PCDH12: variants seen among roughly 807,000 people sequenced by gnomAD.
The protein encoded by PCDH12 is protocadherin-12.
Under a neutral mutation model 70.9 loss-of-function variants are expected in PCDH12, and 45 were observed. The ratio of observed to expected loss-of-function variants is 0.63; its 90% CI spans 0.50 to 0.81. The LOEUF (loss-of-function observed/expected upper bound fraction) is 0.81, where lower values mean the gene tolerates loss of function less well. Among genes scored for constraint, PCDH12 ranks in the 40% least tolerant of loss-of-function variants. PCDH12 has a pLI of 0.00. For missense variants in PCDH12, 1,370 were observed against 1,491.7 expected (o/e 0.92, Z 1.34); for synonymous variants, 567 against 626.0 (o/e 0.91, Z 1.41).
chr5:141,957,736 T>A lies in PCDH12; in HGVS notation c.116A>T (p.Glu39Val). ...CCCGATCACTGTACCAGATGGCACT[T>A]CCTCTGACACTTGGTATTTCACCGT... ...TLTVKYQVSE[E>V]VPSGTVIGKL... Residue 39 changes from glutamate (E) to valine (V), a missense_variant, in exon 1 of 4, where the codon GAA becomes GTA. By Grantham distance (121) the Glu-to-Val change is moderately radical. Coordinates refer to ENST00000231484, the MANE Select transcript of PCDH12 (RefSeq NM_016580.4). This position sits in a 1 kb window ranked among gnomAD's most constrained non-coding sequence, Gnocchi z 4.3. 1 of 1,613,770 alleles carries A rather than the reference T, an allele frequency of 6.2e-7. No individual in the cohort carries two copies. The highest frequency in any genetic ancestry group is 8.5e-7 in the Non-Finnish European group (1 of 1,180,034).
chr5:141,946,099 G>A (rs556983359), intron 3 of PCDH12, among the ~76,000 whole-genome samples: 153 of 152,290 alleles, frequency 1.0e-3, no homozygotes, highest in African/African-American at 3.4e-3. Context: ...CAATCTGGGC[G>A]TGTGTTTCCA....
At chr5:141,947,981 C>T in intron 3 of PCDH12, among the ~76,000 whole-genome samples, 1 of 152,216 alleles carries the variant, frequency 6.6e-6, no homozygotes, top group Non-Finnish European at 1.5e-5. Flanking sequence ...GCTATATCCC[C>T]CAGCCATACA....
At chr5:141,954,934 G>A in intron 1 of PCDH12, 38 bp downstream of exon 1, 2 of 1,581,996 alleles carry the variant, frequency 1.3e-6, no homozygotes, top group Non-Finnish European at 1.7e-6. Context: ...TGGTGGTCCA[G>A]GAGTGACCAG....
At position 141,945,132 on chromosome 5, in the gene PCDH12, GC is replaced by G. The variant is rs1752873421; in HGVS notation, c.*248del. ...ACCCTTTGTGCTCCACATATGTTTT[GC>G]CAGGAAACACTTATCTCAGCCACAA... is the stretch of plus-strand genomic sequence containing the variant. On this transcript the variant is annotated 3_prime_UTR_variant, in exon 4 of 4. Transcript: ENST00000231484. 1.5e-5 allele frequency: 8 copies of G among 544,342 alleles called. No individual in the cohort carries two copies. Among genetic ancestry groups the G allele is most frequent in the Non-Finnish European group, 2.6e-5 (8 of 306,810 alleles). The allele number at this position is 544,342 out of a possible 1,614,324, so 33.7% of individuals were successfully genotyped here. A position where few individuals can be genotyped will look rare whatever the true frequency, so the allele number is the denominator to read the frequency against.
At position 141,956,385 on chromosome 5, in the gene PCDH12, C is replaced by A. The variant is rs749648175; in HGVS notation, c.1467G>T (p.Leu489Phe). ...LITIKAHDAD[L>F]GINGKVSYRI... ...GGTATGAGACTTTTCCATTAATGCC[C>A]AAGTCTGCATCATGAGCCTTGATGG... is the stretch of plus-strand genomic sequence containing the variant. Residue 489 changes from leucine (L) to phenylalanine (F), a missense_variant, in exon 1 of 4, where the codon TTG becomes TTT. Leu to Phe is a conservative substitution (Grantham distance 22). Coordinates refer to ENST00000231484, the MANE Select transcript of PCDH12 (RefSeq NM_016580.4). 27 of 1,614,074 alleles carry A rather than the reference C, an allele frequency of 1.7e-5. No individual in the cohort carries two copies. In the Admixed American group the frequency reaches 4.5e-4, roughly 27 times the overall value.
intron 1 of PCDH12, chr5:141,953,212 GC>G (rs1371145088): frequency 6.6e-6 from 1 of 152,188 alleles, no homozygotes; most frequent in Non-Finnish European, 1.5e-5. Flanking sequence ...ATATGTCCCT[GC>G]CCCAGTTCCC....
At position 141,955,781 on chromosome 5, in the gene PCDH12, A is replaced by G; in HGVS notation, c.2071T>C (p.Leu691=). 6.2e-7 allele frequency: 1 copy of G among 1,613,884 alleles called. No individual in the cohort carries two copies. Among genetic ancestry groups the G allele is most frequent in the African/African-American group, 1.3e-5 (1 of 75,008 alleles). ...ACACTGGTGACAAACATGACCCTCAACAGGGCTCGGGTCTGTAAGGGGGGG... is the reference window on the plus strand; with the variant it reads ...ACACTGGTGACAAACATGACCCTCAGCAGGGCTCGGGTCTGTAAGGGGGGG... ...GSPPLQTRAL[L]RVMFVTSVDH... The change falls in exon 1 of 4, where the codon TTG becomes CTG. Residue 691 remains leucine, a synonymous_variant. Transcript: ENST00000231484. The surrounding 1 kb of genome is among the most constrained non-coding windows in gnomAD (Gnocchi z 5.5).
Position 141,955,595 on chromosome 5 carries a change from G to A in PCDH12, c.2257C>T (p.Arg753Trp), listed in dbSNP as rs748195711. ...TGGCGGTAGGTGGACTCGGCCTCCC[G>A]ACAGTTGTAGGCCCTGTTGTCCTTC... ...EKKDNRAYNCREAESTYRQQP... is the reference protein window; with the variant it reads ...EKKDNRAYNCWEAESTYRQQP... Residue 753 changes from arginine to tryptophan, a missense_variant, in exon 1 of 4, where the codon CGG (arginine) becomes TGG (tryptophan). Transcript: ENST00000231484. This position sits in a 1 kb window ranked among gnomAD's most constrained non-coding sequence, Gnocchi z 5.5. The A allele has an allele frequency of 1.7e-5, 27 of 1,614,140 alleles. No homozygotes were observed. Among genetic ancestry groups the A allele is most frequent in the East Asian group, 6.7e-5 (3 of 44,874 alleles).
In PCDH12 at chr5:141,945,416, T is replaced by C. The variant is rs757585183; in HGVS notation, c.3520A>G (p.Ser1174Gly). 5.6e-6 allele frequency: 9 copies of C among 1,612,620 alleles called. No individual in the cohort carries two copies. The South Asian group carries it at 8.8e-5, about 16-fold the overall frequency. ...PGGKTGTEGK[S>G]RGSSSSSRCL The stretch of plus-strand genomic sequence containing the variant: ...CTGCTGCTGCTGCTGCTGCCTCTGC[T>C]CTTGCCCTCAGTCCCCGTCTTTCCA... The change falls in exon 4 of 4, where the codon AGC (serine) becomes GGC (glycine). Residue 1174 changes from serine (S) to glycine (G), a missense_variant. Transcript: ENST00000231484.
chr5:141,957,017 C>G lies in PCDH12; in HGVS notation c.835G>C (p.Val279Leu). ...TDPDQGPNGE[V>L]EFFLSKHMPP... ...ATGTGCTTACTGAGGAAGAACTCCA[C>G]CTCCCCATTGGGGCCTTGGTCAGGG... Residue 279 changes from valine (V) to leucine (L), a missense_variant, in exon 1 of 4, where the codon GTG becomes CTG. Transcript: ENST00000231484. This position sits in a 1 kb window ranked among gnomAD's most constrained non-coding sequence, Gnocchi z 4.3. 6.2e-7 allele frequency: 1 copy of G among 1,614,208 alleles called. No homozygotes were observed. Among genetic ancestry groups the G allele is most frequent in the Non-Finnish European group, 8.5e-7 (1 of 1,180,048 alleles).
Position 141,944,087 on chromosome 5 carries a change from A to G in PCDH12, c.*1294T>C. 1 of 152,210 alleles carries G rather than the reference A, an allele frequency of 6.6e-6. No homozygotes were observed. The highest frequency in any genetic ancestry group is 1.9e-4 in the East Asian group (1 of 5,196). The allele number at this position is 152,210 out of a possible 1,614,324, so 9.4% of individuals were successfully genotyped here. A position where few individuals can be genotyped will look rare whatever the true frequency, so the allele number is the denominator to read the frequency against. ...AAGCTAGCTGATTGGCTGCTCGGAA[A>G]TTTCCAAGAAAATTATAAAGCTGAA... On this transcript the variant is annotated 3_prime_UTR_variant, in exon 4 of 4. Coordinates refer to ENST00000231484, the MANE Select transcript of PCDH12 (RefSeq NM_016580.4).
intron 3 of PCDH12, among the ~76,000 whole-genome samples, chr5:141,946,650 G>A (rs1234770643): frequency 1.3e-5 from 2 of 152,330 alleles, no homozygotes; most frequent in East Asian, 3.9e-4. Flanking sequence ...CTAGAGTCAG[G>A]CTGGGGAGGG....
intron 2 of PCDH12, 136 bp from the exon 3 acceptor site, chr5:141,949,719 C>T (rs965837415): frequency 1.0e-6 from 1 of 966,052 alleles, no homozygotes; most frequent in Non-Finnish European, 1.5e-6. Context: ...TCAGACCAAC[C>T]TGGATCATGT....
chr5:141,956,704 G>C lies in PCDH12; in HGVS notation c.1148C>G (p.Ser383Ter), dbSNP rs764897668. ...IALVMADDLD[S>*]GHNGLVHCWL... ...GCAGTGGACCAAACCATTGTGTCCT[G>C]AATCCAAGTCATCTGCCATGACAAG... is the stretch of plus-strand genomic sequence containing the variant. The change falls in exon 1 of 4, where the codon TCA becomes TGA. Residue 383 changes from serine to a stop codon, truncating the protein, a stop_gained. Transcript: ENST00000231484. LOFTEE classifies it high-confidence loss of function. 11 of 1,614,218 alleles carry C rather than the reference G, an allele frequency of 6.8e-6. No homozygotes were observed. The highest frequency in any genetic ancestry group is 9.3e-6 in the Non-Finnish European group (11 of 1,180,036).
intron 1 of PCDH12, among the ~76,000 whole-genome samples, chr5:141,954,265 T>C (rs1012741431): frequency 6.6e-6 from 1 of 152,108 alleles, no homozygotes; most frequent in African/African-American, 2.4e-5. Context: ...GCCGGAAAGC[T>C]CTGGGGTCTC....
In PCDH12 at chr5:141,957,808, C is replaced by T; in HGVS notation, c.44G>A (p.Gly15Asp). 7 of 1,603,206 alleles carry T rather than the reference C, an allele frequency of 4.4e-6. No homozygotes were observed. Among genetic ancestry groups the T allele is most frequent in the Non-Finnish European group, 5.9e-6 (7 of 1,179,890 alleles). The change falls in exon 1 of 4, where the codon GGT becomes GAT. Residue 15 changes from glycine to aspartate, a missense_variant. Gly to Asp is a moderately conservative substitution (Grantham distance 94, BLOSUM62 -1). Transcript: ENST00000231484. This position sits in a 1 kb window ranked among gnomAD's most constrained non-coding sequence, Gnocchi z 4.3. ...LQLLLGLLGP[G>D]GYLFLLGDCQ... Reference sequence around the variant, plus strand: ...ATCCCCTAAAAGAAATAAGTAGCCACCTGGCCCCAAAAGCCCCAGCAGAAG... The same window carrying T: ...ATCCCCTAAAAGAAATAAGTAGCCATCTGGCCCCAAAAGCCCCAGCAGAAG...
Position 141,956,179 on chromosome 5 carries a change from G to T in PCDH12, c.1673C>A (p.Ala558Asp), listed in dbSNP as rs1596647156. 1.2e-6 allele frequency: 2 copies of T among 1,614,170 alleles called. No homozygotes were observed. The highest frequency in any genetic ancestry group is 1.7e-6 in the Non-Finnish European group (2 of 1,180,040). Residue 558 changes from alanine to aspartate, a missense_variant, in exon 1 of 4, where the codon GCC becomes GAC. Physicochemically the swap from Ala to Asp is moderately radical, Grantham distance 126. Coordinates refer to ENST00000231484, the MANE Select transcript of PCDH12 (RefSeq NM_016580.4). ...GACCACCTCTGGGGCATTATCATTG[G>T]CATCCAAGAGGCTGACCCACACAGA... Reference protein sequence around the residue: ...SVSVWVSLLDANDNAPEVVQP... With the variant: ...SVSVWVSLLDDNDNAPEVVQP...
At chr5:141,950,325 G>T (rs1753053930) in intron 2 of PCDH12, among the ~76,000 whole-genome samples, 1 of 152,170 alleles carries the variant, frequency 6.6e-6, no homozygotes, top group Non-Finnish European at 1.5e-5. Context: ...AGGCGTAGGA[G>T]TCCTTCTGTT....
In PCDH12 at chr5:141,956,755, GCTT is replaced by G; in HGVS notation, c.1094_1096del (p.Glu365del). The G allele has an allele frequency of 6.2e-7, 1 of 1,614,254 alleles. No individual in the cohort carries two copies. On this transcript the variant is annotated inframe_deletion, in exon 1 of 4. Coordinates refer to ENST00000231484, the MANE Select transcript of PCDH12 (RefSeq NM_016580.4). ...AGCAATAAAACTGTCCTTGGGAAGAGCTTCTGACACCAGTGATGGCTGGGAGGC... is the reference window on the plus strand; with the variant it reads ...AGCAATAAAACTGTCCTTGGGAAGAGCTGACACCAGTGATGGCTGGGAGGC...
Sources: gnomAD v4.1 joint callset for allele counts (sites outside exome capture counted in the v4.1 genomes callset) on GRCh38, gnomAD v4.1.1 for gene constraint, Gnocchi (gnomAD v3.1) non-coding constraint, MANE v1.5 for transcripts, NCBI Gene and HGNC (gene_info 2026-07-23, HGNC 2026-07-21) for gene names.